The following MPHOSPH9 variants were observed in gnomAD, a reference collection of about 807,000 sequenced individuals.
MPHOSPH9 encodes the protein M-phase phosphoprotein 9.
In MPHOSPH9, 88 loss-of-function variants were observed where a neutral mutation model predicts 145.5. That is an observed-to-expected ratio of 0.60 (90% CI 0.51 to 0.72). The LOEUF (loss-of-function observed/expected upper bound fraction) is 0.72. Ranked by LOEUF, MPHOSPH9 falls within the 30% of genes least tolerant of loss-of-function variation. MPHOSPH9 has a pLI of 0.00. For missense variants in MPHOSPH9, 1,238 were observed against 1,386.6 expected, an observed-to-expected ratio of 0.89 and a Z score of 1.70; for synonymous variants, 435 against 486.2, an observed-to-expected ratio of 0.89 and a Z score of 1.39.
rs1055500549 is a variant in MPHOSPH9, at chr12:123,159,187, C to T, written c.3450+1594G>A. ...TTTTTTTATTATTCTTTTTCAGAGACGGAGTCTTGCTCTGTCACCCAGGCC... is the reference window on the plus strand; with the variant it reads ...TTTTTTTATTATTCTTTTTCAGAGATGGAGTCTTGCTCTGTCACCCAGGCC... On this transcript the variant is annotated intron_variant, in intron 23 of 23. Coordinates refer to ENST00000606320, the MANE Select transcript of MPHOSPH9 (RefSeq NM_022782.4). This position sits in a 1 kb window ranked among gnomAD's most constrained non-coding sequence, Gnocchi z 4.3. Among the ~76,000 whole-genome samples, 10 of 151,936 alleles carry T rather than the reference C, an allele frequency of 6.6e-5. No individual in the cohort carries two copies. The highest frequency in any genetic ancestry group is 9.7e-5 in the African/African-American group (4 of 41,372).
Position 123,202,975 on chromosome 12 carries a change from T to G in MPHOSPH9, c.1430A>C (p.Asp477Ala). The G allele has an allele frequency of 6.2e-7, 1 of 1,613,986 alleles. No homozygotes were observed. The highest frequency in any genetic ancestry group is 8.5e-7 in the Non-Finnish European group (1 of 1,179,994). ...ALDDRISFSPDSVLEPSMSSP... is the reference protein window; with the variant it reads ...ALDDRISFSPASVLEPSMSSP... ...AGACATACTAGGCTCTAGAACAGAG[T>G]CCGGGGAAAAGGATATTCTGTCATC... Residue 477 changes from aspartate (D) to alanine (A), a missense_variant, in exon 10 of 24, where the codon GAC becomes GCC. Transcript: ENST00000606320.
chr12:123,161,299 A>G lies in MPHOSPH9; in HGVS notation c.3218T>C (p.Val1073Ala). 1 of 1,614,076 alleles carries G rather than the reference A, an allele frequency of 6.2e-7. No homozygotes were observed. Among genetic ancestry groups the G allele is most frequent in the Non-Finnish European group, 8.5e-7 (1 of 1,180,012 alleles). The change falls in exon 22 of 24, where the codon GTA (valine) becomes GCA (alanine). Residue 1073 changes from valine (V) to alanine (A), a missense_variant. By Grantham distance (64) the Val-to-Ala change is moderately conservative. Coordinates refer to ENST00000606320, the MANE Select transcript of MPHOSPH9 (RefSeq NM_022782.4). The stretch of plus-strand genomic sequence containing the variant: ...CTTCTCCCAGGCTGTTCTCACAGAT[A>G]CTTTCTTCACTCCATTTGGCACCGG... ...PEPVPNGVKK[V>A]SVRTAWEKNK...
rs1456414193 is a variant in MPHOSPH9 at position 123,188,153 on chromosome 12, A to T, written c.2241+6233T>A. On this transcript the variant is annotated intron_variant, in intron 13 of 23. Transcript: ENST00000606320. The stretch of plus-strand genomic sequence containing the variant: ...AAAACAAACAAACAAAAAACACCCA[A>T]AACTTGTATCCCATAAAAATACCAA... Among the ~76,000 whole-genome samples the T allele has an allele frequency of 5.9e-5, 9 of 152,242 alleles. No individual in the cohort carries two copies. In the South Asian group the frequency reaches 1.9e-3, roughly 32 times the overall value.
chr12:123,223,399 A>T (rs2047299490), intron 3 of MPHOSPH9, among the ~76,000 whole-genome samples: 1 of 152,132 alleles, frequency 6.6e-6, no homozygotes, highest in South Asian at 2.1e-4. Flanking sequence ...TATGAAAACT[A>T]ACTGCCTGCG....
chr12:123,223,025 A>C lies in MPHOSPH9; in HGVS notation c.348+13T>G. The C allele has an allele frequency of 1.3e-6, 2 of 1,493,714 alleles. No individual in the cohort carries two copies. Among genetic ancestry groups the C allele is most frequent in the Non-Finnish European group, 1.8e-6 (2 of 1,117,198 alleles). The allele number at this position is 1,493,714 out of a possible 1,614,324, so 92.5% of individuals were successfully genotyped here. A position where few individuals can be genotyped will look rare whatever the true frequency, so the allele number is the denominator to read the frequency against. ...GTATATAAAAAAAGGAATCAATGTA[A>C]ATGGTAACTTACTTGAATTTGGTTG... On this transcript the variant is annotated intron_variant, in intron 4 of 23. Coordinates refer to ENST00000606320, the MANE Select transcript of MPHOSPH9 (RefSeq NM_022782.4).
chr12:123,183,833 T>G (rs1398480317), intron 13 of MPHOSPH9, among the ~76,000 whole-genome samples: 1 of 151,052 alleles, frequency 6.6e-6, no homozygotes, highest in African/African-American at 2.4e-5. Flanking sequence ...CAGGAGAAAA[T>G]GAATGGGGAG....
chr12:123,175,847 C>T (rs994226417), intron 16 of MPHOSPH9, among the ~76,000 whole-genome samples: 3 of 150,030 alleles, frequency 2.0e-5, no homozygotes, highest in Admixed American at 6.6e-5. Context: ...AAAAGAATTT[C>T]CTATGTTCTA....
chr12:123,211,605 C>T (rs1244305787), intron 7 of MPHOSPH9, among the ~76,000 whole-genome samples: 2 of 152,020 alleles, frequency 1.3e-5, no homozygotes, highest in Non-Finnish European at 2.9e-5. Flanking sequence ...ATCCACCCTC[C>T]TCGGCCTCCC....
At chr12:123,212,102 G>A (rs1308394876) in intron 7 of MPHOSPH9, among the ~76,000 whole-genome samples, 1 of 152,118 alleles carries the variant, frequency 6.6e-6, no homozygotes, top group African/African-American at 2.4e-5. Flanking sequence ...AGTGAGACAT[G>A]AAAAGTAAGT....
At position 123,196,337 on chromosome 12, in the gene MPHOSPH9, C is replaced by T. The variant is rs1593160046; in HGVS notation, c.2026-1736G>A. ...TGCACTCCAGCCTGGGCAACAAGGG[C>T]GAGACTCCATCTCAACAAAAAAACA... is the stretch of plus-strand genomic sequence containing the variant. On this transcript the variant is annotated intron_variant, in intron 12 of 23. Coordinates refer to ENST00000606320, the MANE Select transcript of MPHOSPH9 (RefSeq NM_022782.4). Among the ~76,000 whole-genome samples the T allele has an allele frequency of 3.3e-5, 5 of 151,990 alleles. No individual in the cohort carries two copies. The South Asian group carries it at 1.0e-3, about 32-fold the overall frequency.
At chr12:123,220,372 T>C (rs1177223700) in intron 5 of MPHOSPH9, among the ~76,000 whole-genome samples, 1 of 151,984 alleles carries the variant, frequency 6.6e-6, no homozygotes, top group Admixed American at 6.6e-5. Flanking sequence ...GAGACCAGCC[T>C]GGCCAACACA....
chr12:123,190,482 T>A (rs1352088384), intron 13 of MPHOSPH9, among the ~76,000 whole-genome samples: 1 of 152,150 alleles, frequency 6.6e-6, no homozygotes, highest in Non-Finnish European at 1.5e-5. Flanking sequence ...AGGTGGTGGA[T>A]TCATATGTAC....
chr12:123,172,675 A>C (rs2044638500), intron 16 of MPHOSPH9, among the ~76,000 whole-genome samples: 2 of 151,914 alleles, frequency 1.3e-5, no homozygotes, highest in African/African-American at 4.8e-5. Context: ...CTTTTTTCCC[A>C]AACATGTAAG....
intron 6 of MPHOSPH9, among the ~76,000 whole-genome samples, chr12:123,216,194 C>T (rs2046952762): frequency 6.6e-6 from 1 of 152,178 alleles, no homozygotes; most frequent in African/African-American, 2.4e-5. Flanking sequence ...TACTAAAGGG[C>T]TTTCCTAGAC....
chr12:123,222,007 T>C, intron 4 of MPHOSPH9, 112 bp from the exon 5 acceptor site: 1 of 695,950 alleles, frequency 1.4e-6, no homozygotes, highest in Non-Finnish European at 2.3e-6. Flanking sequence ...ATTCTAAAGA[T>C]AATGTGATAC....
chr12:123,221,470 C>T lies in MPHOSPH9; in HGVS notation c.774G>A (p.Val258=), dbSNP rs746453631. The change falls in exon 5 of 24, where the codon GTG becomes GTA. Residue 258 remains valine (V), a synonymous_variant. Transcript: ENST00000606320. The part of the protein sequence containing the change: ...FYIQTPEECH[V]SLKEDVSISP... ...AAATGGATACATCTTCCTTTAAAGA[C>T]ACATGACACTCTTCAGGAGTCTGTA... 1.7e-5 allele frequency: 27 copies of T among 1,613,698 alleles called. No homozygotes were observed. The highest frequency in any genetic ancestry group is 2.1e-5 in the Non-Finnish European group (25 of 1,179,772).
intron 13 of MPHOSPH9, among the ~76,000 whole-genome samples, chr12:123,185,309 A>T (rs907466978): frequency 1.1e-4 from 17 of 152,136 alleles, no homozygotes; most frequent in African/African-American, 3.9e-4. Flanking sequence ...GATCAATCAG[A>T]AAAAGAGTTG....
intron 16 of MPHOSPH9, among the ~76,000 whole-genome samples, chr12:123,169,983 T>C (rs1200699076): frequency 7.3e-6 from 1 of 137,520 alleles, no homozygotes; most frequent in Non-Finnish European, 1.5e-5. Flanking sequence ...TTTAAATGTC[T>C]TTTTTTTTTT....
At chr12:123,171,612 G>C (rs754208167) in intron 16 of MPHOSPH9, among the ~76,000 whole-genome samples, 1 of 151,782 alleles carries the variant, frequency 6.6e-6, no homozygotes, top group Admixed American at 6.6e-5. Flanking sequence ...AACCAGGCAT[G>C]GTAGTGGGCA....
Sources: gnomAD v4.1 joint callset for allele counts (sites outside exome capture counted in the v4.1 genomes callset) on GRCh38, gnomAD v4.1.1 for gene constraint, Gnocchi (gnomAD v3.1) non-coding constraint, MANE v1.5 for transcripts, NCBI Gene and HGNC (gene_info 2026-07-23, HGNC 2026-07-21) for gene names.